Variants in PRSS12 observed in about 807,000 individuals in gnomAD.
PRSS12 encodes neurotrypsin.
PRSS12 carries 85 observed loss-of-function variants against 104.4 expected under a neutral mutation model. The ratio of observed to expected loss-of-function variants is 0.81; its 90% CI spans 0.68 to 0.98. The LOEUF (loss-of-function observed/expected upper bound fraction) is 0.98, where lower values mean the gene tolerates loss of function less well. Among genes scored for constraint, PRSS12 ranks in the 50% least tolerant of loss-of-function variants. The pLI, the probability that PRSS12 is intolerant of heterozygous loss-of-function variation, is 0.00. For synonymous variants in PRSS12, 454 were observed against 425.2 expected (o/e 1.07, Z -0.83); for missense variants, 1,141 against 1,139.2 (o/e 1.00, Z -0.02).
At chr4:118,349,704 C>T (rs1224297665) in intron 1 of PRSS12, among the ~76,000 whole-genome samples, 2 of 152,034 alleles carry the variant, frequency 1.3e-5, no homozygotes, top group African/African-American at 4.8e-5. Context: ...CAGAAGGTTG[C>T]TACAAGAATG....
intron 9 of PRSS12, among the ~76,000 whole-genome samples, chr4:118,296,867 C>T (rs1014279216): frequency 6.6e-5 from 10 of 151,998 alleles, no homozygotes; most frequent in African/African-American, 2.4e-4. Context: ...GATGACACTG[C>T]AAATTGTAAG....
At chr4:118,299,774 TAAAATAAAATAAAATAAAA>T (rs1743355834) in intron 8 of PRSS12, among the ~76,000 whole-genome samples, 1 of 58,904 alleles carries the variant, frequency 1.7e-5, no homozygotes, top group Non-Finnish European at 3.6e-5. Context: ...TTAAATAAAA[TAAAATAAAATAAAATAAAA>T]TAAATAAAAT....
chr4:118,331,172 A>C lies in PRSS12; in HGVS notation c.971+544T>G, dbSNP rs1028734547. 5.3e-5 allele frequency among the ~76,000 whole-genome samples: 8 copies of C among 152,340 alleles called. No homozygotes were observed. In the East Asian group the frequency reaches 1.5e-3, roughly 29 times the overall value. ...AGAAGGCCTAAAATTATAATACTCCAGAATAATCCCAACTGAGGCAACCTG... is the reference window on the plus strand; with the variant it reads ...AGAAGGCCTAAAATTATAATACTCCCGAATAATCCCAACTGAGGCAACCTG... On this transcript the variant is annotated intron_variant, in intron 4 of 12. Coordinates refer to ENST00000296498, the MANE Select transcript of PRSS12 (RefSeq NM_003619.4).
At chr4:118,287,030 A>G (rs1002047597) in intron 11 of PRSS12, among the ~76,000 whole-genome samples, 1 of 152,258 alleles carries the variant, frequency 6.6e-6, no homozygotes, top group Non-Finnish European at 1.5e-5. Flanking sequence ...ACCAATCAGC[A>G]GTTTATATTA....
In PRSS12 at chr4:118,294,112, CAG is replaced by C. The variant is rs1387238980; in HGVS notation, c.2039+825_2039+826del. Among the ~76,000 whole-genome samples, 7 of 152,228 alleles carry C rather than the reference CAG, an allele frequency of 4.6e-5. No homozygotes were observed. In the South Asian group the frequency reaches 1.0e-3, roughly 23 times the overall value. ...CCGTATGATATCACATAAGAAAAAA[CAG>C]AAAAATTTCTGCTTGCAAAAATGTT... On this transcript the variant is annotated intron_variant, in intron 11 of 12. Coordinates refer to ENST00000296498, the MANE Select transcript of PRSS12 (RefSeq NM_003619.4).
At chr4:118,346,906 G>C (rs886465438) in intron 1 of PRSS12, among the ~76,000 whole-genome samples, 1 of 152,084 alleles carries the variant, frequency 6.6e-6, no homozygotes, top group Admixed American at 6.6e-5. Context: ...ACTGGTCCCT[G>C]GTGCCAAAAA....
At chr4:118,347,107 GA>G (rs2126046062) in intron 1 of PRSS12, among the ~76,000 whole-genome samples, 1 of 151,664 alleles carries the variant, frequency 6.6e-6, no homozygotes, top group East Asian at 1.9e-4. Context: ...CACTAGTTAA[GA>G]AATCAGATAA....
intron 1 of PRSS12, among the ~76,000 whole-genome samples, chr4:118,340,978 G>A (rs1388951188): frequency 1.3e-5 from 2 of 152,130 alleles, no homozygotes; most frequent in Non-Finnish European, 2.9e-5. Context: ...AACCCTCTCT[G>A]GAATGGGGGT....
chr4:118,295,161 A>T, intron 10 of PRSS12, 100 bp from the exon 11 acceptor site: 140 of 1,377,380 alleles, frequency 1.0e-4, no homozygotes, highest in East Asian at 4.7e-4. Context: ...AATGCCTTGC[A>T]GGTGGGGGAA....
In PRSS12 at chr4:118,345,747, A is replaced by G. The variant is rs535774593; in HGVS notation, c.502+6472T>C. ...TTCATCCAGATATGACTAAAAAAAA[A>G]TGAATGTAACATTTTACAGCACTTT... On this transcript the variant is annotated intron_variant, in intron 1 of 12. Transcript: ENST00000296498. Among the ~76,000 whole-genome samples the G allele has an allele frequency of 4.6e-5, 7 of 152,294 alleles. No individual in the cohort carries two copies. In the East Asian group the frequency reaches 1.3e-3, roughly 29 times the overall value.
At chr4:118,291,007 A>C (rs1411233446) in intron 11 of PRSS12, among the ~76,000 whole-genome samples, 1 of 152,130 alleles carries the variant, frequency 6.6e-6, no homozygotes, top group Admixed American at 6.6e-5. Context: ...AAGTACAAAC[A>C]TATACAAAGA....
chr4:118,331,950 A>G, intron 3 of PRSS12, 84 bp from the exon 4 acceptor site: 1 of 1,521,566 alleles, frequency 6.6e-7, no homozygotes, highest in Non-Finnish European at 9.0e-7. Context: ...ATTTTTTGCC[A>G]TTCTCAATAA....
chr4:118,311,050 CAATT>C (rs564753007), intron 7 of PRSS12, among the ~76,000 whole-genome samples: 84 of 151,676 alleles, frequency 5.5e-4, no homozygotes, highest in African/African-American at 8.7e-4. Context: ...GACTCTGTCT[CAATT>C]AATTAATTAA....
intron 10 of PRSS12, 112 bp downstream of exon 10, chr4:118,295,666 G>C: frequency 9.8e-7 from 1 of 1,024,178 alleles, no homozygotes; most frequent in Admixed American, 1.9e-5. Context: ...ATTTAGTTTA[G>C]AAAATAAAAT....
intron 4 of PRSS12, among the ~76,000 whole-genome samples, chr4:118,326,865 T>A (rs1177035260): frequency 6.6e-6 from 1 of 152,208 alleles, no homozygotes; most frequent in African/African-American, 2.4e-5. Context: ...GCTATCTTTG[T>A]TGTAAAGTTT....
chr4:118,304,158 A>G (rs932885063), intron 8 of PRSS12, among the ~76,000 whole-genome samples: 1 of 151,746 alleles, frequency 6.6e-6, no homozygotes, highest in Non-Finnish European at 1.5e-5. Flanking sequence ...ATATGCATAC[A>G]TGTGTATATG....
At chr4:118,287,715 G>A (rs1743044932) in intron 11 of PRSS12, among the ~76,000 whole-genome samples, 1 of 152,110 alleles carries the variant, frequency 6.6e-6, no homozygotes, top group Admixed American at 6.5e-5. Context: ...ATCTATTATG[G>A]TTCTAGGCTT....
chr4:118,312,399 G>T (rs924993412), intron 7 of PRSS12, among the ~76,000 whole-genome samples: 1 of 151,690 alleles, frequency 6.6e-6, no homozygotes, highest in Non-Finnish European at 1.5e-5. Flanking sequence ...CATACACACA[G>T]ATAGATATAT....
intron 1 of PRSS12, among the ~76,000 whole-genome samples, chr4:118,344,094 C>T (rs1481332896): frequency 6.6e-6 from 1 of 151,918 alleles, no homozygotes; most frequent in East Asian, 1.9e-4. Context: ...TGTTCAGATC[C>T]TTGACAAAAA....
Sources: allele counts gnomAD v4.1 joint callset (sites outside exome capture counted in the v4.1 genomes callset), GRCh38; gene constraint gnomAD v4.1.1; transcripts MANE v1.5; gene names NCBI Gene and HGNC (gene_info 2026-07-23, HGNC 2026-07-21).